KAT6A: variants seen among roughly 807,000 people sequenced by gnomAD.
The protein encoded by KAT6A is lysine acetyltransferase 6A.
In KAT6A, 9 loss-of-function variants were observed where a neutral mutation model predicts 198.4. That is an observed-to-expected ratio of 0.05 (90% CI 0.03 to 0.08). KAT6A has a LOEUF of 0.08. KAT6A is among the 10% of genes least tolerant of loss of function. The pLI is 1.00. For synonymous variants in KAT6A, 890 were observed against 883.0 expected (o/e 1.01, Z -0.14); for missense variants, 2,077 against 2,509.9 (o/e 0.83, Z 3.69).
At chr8:41,938,634 GACA>G (rs1351752024) in intron 15 of KAT6A, among the ~76,000 whole-genome samples, 3 of 152,046 alleles carry the variant, frequency 2.0e-5, no homozygotes, top group East Asian at 1.9e-4. Flanking sequence ...ACCCCACAAT[GACA>G]ACAACAGTAT....
chr8:41,955,182 C>A, intron 9 of KAT6A, 114 bp downstream of exon 9: 1 of 691,636 alleles, frequency 1.4e-6, no homozygotes, highest in South Asian at 1.7e-5. Context: ...TTTAAAAGCC[C>A]CCAGTTTCCT....
intron 15 of KAT6A, among the ~76,000 whole-genome samples, chr8:41,938,796 A>G (rs1259196140): frequency 6.6e-6 from 1 of 151,920 alleles, no homozygotes; most frequent in Non-Finnish European, 1.5e-5. Context: ...AAGTACAAAA[A>G]ATTAGCCAGG....
chr8:41,970,143 C>T (rs1823713784), intron 8 of KAT6A, among the ~76,000 whole-genome samples: 1 of 152,164 alleles, frequency 6.6e-6, no homozygotes, highest in South Asian at 2.1e-4. Context: ...AAGGCAGAGT[C>T]TGTGTCTTTT....
intron 7 of KAT6A, among the ~76,000 whole-genome samples, chr8:41,975,201 G>A (rs1253314816): frequency 6.6e-6 from 1 of 152,100 alleles, no homozygotes; most frequent in Non-Finnish European, 1.5e-5. Flanking sequence ...AACCTCTTGA[G>A]TAGCTACCTT....
At chr8:41,953,608 GGATTACAGGCACCCACCA>G (rs1564019378) in intron 9 of KAT6A, among the ~76,000 whole-genome samples, 2 of 152,102 alleles carry the variant, frequency 1.3e-5, no homozygotes, top group Non-Finnish European at 2.9e-5. Flanking sequence ...TGAGTAGCTG[GGATTACAGGCACCCACCA>G]CCACGCCTGG....
chr8:41,930,334 A>G lies in KAT6A; in HGVS notation c.*1871T>C, dbSNP rs973765305. ...GCAGCACAGTGCACTTTCTACATAG[A>G]TGACTGGGAACTGGAATAGTATATA... On this transcript the variant is annotated 3_prime_UTR_variant, in exon 17 of 17. Transcript: ENST00000265713. 4 of 226,630 alleles carry G rather than the reference A, an allele frequency of 1.8e-5. No individual in the cohort carries two copies. Among genetic ancestry groups the G allele is most frequent in the African/African-American group, 9.0e-5 (4 of 44,626 alleles). The allele number at this position is 226,630 out of a possible 1,614,324, so 14.0% of individuals were successfully genotyped here.
intron 2 of KAT6A, among the ~76,000 whole-genome samples, chr8:42,040,888 T>C (rs545672787): frequency 8.6e-5 from 13 of 151,880 alleles, no homozygotes; most frequent in Non-Finnish European, 1.9e-4. Flanking sequence ...CCAAAAATCA[T>C]TGTGCTCATA....
In KAT6A at chr8:41,933,238, G is replaced by A. The variant is rs544240461; in HGVS notation, c.4982C>T (p.Pro1661Leu). Residue 1661 changes from proline to leucine, a missense_variant, in exon 17 of 17, where the codon CCG (proline) becomes CTG (leucine). Pro to Leu is a moderately conservative substitution (Grantham distance 98). Coordinates refer to ENST00000265713, the MANE Select transcript of KAT6A (RefSeq NM_006766.5). The surrounding 1 kb of genome is among the most constrained non-coding windows in gnomAD (Gnocchi z 6.2). ...TGCTGGTTGTGGTTGTGGCGGCGGC[G>A]GCTGTGGCTGCTGTGGAGGCGGTGG... The part of the protein sequence containing the change: ...PPPPPPQQPQ[P>L]PPPQPQPAPQ... 29 of 1,551,230 alleles carry A rather than the reference G, an allele frequency of 1.9e-5. No individual in the cohort carries two copies. Among genetic ancestry groups the A allele is most frequent in the Admixed American group, 1.3e-4 (7 of 52,400 alleles).
intron 2 of KAT6A, among the ~76,000 whole-genome samples, chr8:42,004,362 A>C (rs936374555): frequency 6.6e-6 from 1 of 152,226 alleles, no homozygotes; most frequent in African/African-American, 2.4e-5. Context: ...CTTATTTTTT[A>C]AGTAACTACA....
intron 2 of KAT6A, among the ~76,000 whole-genome samples, chr8:41,990,652 G>A (rs549795733): frequency 5.9e-5 from 9 of 152,188 alleles, no homozygotes; most frequent in African/African-American, 1.9e-4. Context: ...ATAGACTTTC[G>A]AGAATGGCTA....
intron 8 of KAT6A, among the ~76,000 whole-genome samples, chr8:41,969,593 C>A (rs1474781365): frequency 6.6e-6 from 1 of 152,188 alleles, no homozygotes; most frequent in Admixed American, 6.5e-5. Flanking sequence ...AAAGTGGTTT[C>A]CCAGCTTCCA....
chr8:41,971,135 A>G (rs1823773418), intron 8 of KAT6A, among the ~76,000 whole-genome samples: 1 of 151,900 alleles, frequency 6.6e-6, no homozygotes, highest in South Asian at 2.1e-4. Flanking sequence ...TGACGAGTTA[A>G]TGGGTGCAGC....
At chr8:42,043,508 G>A (rs545466701) in intron 2 of KAT6A, 1 of 151,874 alleles carries the variant, frequency 6.6e-6, no homozygotes, top group Non-Finnish European at 1.5e-5. Context: ...TTTTTTAATG[G>A]ACCTCAGATA....
chr8:42,024,803 T>TATATAC (rs1485882073), intron 2 of KAT6A, among the ~76,000 whole-genome samples: 1 of 152,240 alleles, frequency 6.6e-6, no homozygotes, highest in Admixed American at 6.5e-5. Flanking sequence ...ATGGTGTGTA[T>TATATAC]ATATACATAT....
At chr8:41,996,545 T>TG (rs1825213377) in intron 2 of KAT6A, among the ~76,000 whole-genome samples, 2 of 152,258 alleles carry the variant, frequency 1.3e-5, no homozygotes, top group South Asian at 4.1e-4. Context: ...TGTTAAGAGG[T>TG]GGGGGCTTTC....
At chr8:42,049,857 T>G (rs1380499161) in intron 1 of KAT6A, 2 of 152,208 alleles carry the variant, frequency 1.3e-5, no homozygotes, top group Non-Finnish European at 2.9e-5. Context: ...AGTTTATAAT[T>G]TAAGTACAGT....
At chr8:42,045,253 T>C (rs1184075747) in intron 2 of KAT6A, among the ~76,000 whole-genome samples, 2 of 152,228 alleles carry the variant, frequency 1.3e-5, no homozygotes. Flanking sequence ...TTCCAACATG[T>C]CTAAATTTAG....
chr8:41,974,847 T>A, intron 7 of KAT6A, 25 bp from the exon 8 acceptor site: 1 of 1,453,156 alleles, frequency 6.9e-7, no homozygotes, highest in Non-Finnish European at 9.6e-7. Context: ...AGAGCTCACA[T>A]GTTAACTGTC....
chr8:42,045,617 G>A (rs1202509640), intron 2 of KAT6A, among the ~76,000 whole-genome samples: 10 of 151,362 alleles, frequency 6.6e-5, no homozygotes, highest in Non-Finnish European at 1.2e-4. Flanking sequence ...TAAGCAAATG[G>A]GCATTTCTTT....
Sources: gnomAD v4.1 joint callset for allele counts (sites outside exome capture counted in the v4.1 genomes callset) on GRCh38, gnomAD v4.1.1 for gene constraint, Gnocchi (gnomAD v3.1) non-coding constraint, MANE v1.5 for transcripts, NCBI Gene and HGNC (gene_info 2026-07-23, HGNC 2026-07-21) for gene names.